CRYBG3: variants seen among roughly 807,000 people sequenced by gnomAD.
The protein encoded by CRYBG3 is very large A-kinase anchor protein.
In CRYBG3, 127 loss-of-function variants were observed where a neutral mutation model predicts 244.2. The ratio of observed to expected loss-of-function variants is 0.52; its 90% confidence interval spans 0.45 to 0.60. CRYBG3 has a LOEUF of 0.60. Ranked by LOEUF, CRYBG3 falls within the 20% of genes least tolerant of loss-of-function variation. The pLI is 0.00. For synonymous variants in CRYBG3, 1,132 were observed against 1,195.8 expected (o/e 0.95, Z 1.10); for missense variants, 3,325 against 3,442.5 (o/e 0.97, Z 0.85).
At position 97,872,588 on chromosome 3, in the gene CRYBG3, A is replaced by G. The variant is rs1412609432; in HGVS notation, c.1394A>G (p.Glu465Gly). The G allele has an allele frequency of 6.5e-7, 1 of 1,536,002 alleles. No homozygotes were observed. Among genetic ancestry groups the G allele is most frequent in the Non-Finnish European group, 8.7e-7 (1 of 1,146,826 alleles). ...AGTCCAAATAAATCAATTAGGCATG[A>G]ACATCTGCAGTTGCCAGAGAGTGAG... ...LPSPNKSIRH[E>G]HLQLPESECS... Residue 465 changes from glutamate to glycine, a missense_variant, in exon 4 of 22, where the codon GAA (glutamate) becomes GGA (glycine). Around this residue, in one of 4 missense-constraint regions of CRYBG3, gnomAD observed 1,526 missense variants for 1,443.2 expected, o/e 1.06. Transcript: ENST00000389622.
intron 4 of CRYBG3, among the ~76,000 whole-genome samples, chr3:97,879,275 C>A (rs920353585): frequency 2.6e-5 from 4 of 152,154 alleles, no homozygotes; most frequent in Non-Finnish European, 5.9e-5. Flanking sequence ...TATTCACTAT[C>A]CCATCACAAC....
chr3:97,919,578 A>T (rs1199002804), intron 17 of CRYBG3, among the ~76,000 whole-genome samples: 1 of 152,072 alleles, frequency 6.6e-6, no homozygotes, highest in Non-Finnish European at 1.5e-5. Flanking sequence ...CTTAACAGTG[A>T]TTACAAGAAG....
At chr3:97,867,707 A>C (rs937755619) in intron 3 of CRYBG3, among the ~76,000 whole-genome samples, 1 of 152,174 alleles carries the variant, frequency 6.6e-6, no homozygotes, top group Non-Finnish European at 1.5e-5. Context: ...CATAAGCTGT[A>C]GATCCTATGT....
At chr3:97,915,086 A>G (rs1326568958) in intron 16 of CRYBG3, among the ~76,000 whole-genome samples, 2 of 152,208 alleles carry the variant, frequency 1.3e-5, no homozygotes, top group South Asian at 2.1e-4. Context: ...TTTTAAAACA[A>G]TCTGTCTTCT....
At chr3:97,894,747 C>T (rs1044091945) in intron 11 of CRYBG3, among the ~76,000 whole-genome samples, 4 of 151,876 alleles carry the variant, frequency 2.6e-5, no homozygotes, top group Non-Finnish European at 5.9e-5. Flanking sequence ...AGTAGCCACA[C>T]TTATATAAAA....
intron 17 of CRYBG3, among the ~76,000 whole-genome samples, chr3:97,917,906 C>G (rs1259973013): frequency 6.6e-6 from 1 of 152,150 alleles, no homozygotes; most frequent in East Asian, 1.9e-4. Context: ...CTGGACAGTG[C>G]TAGATACACT....
At chr3:97,871,793 A>T in intron 3 of CRYBG3, 49 bp from the exon 4 acceptor site, 2 of 1,288,912 alleles carry the variant, frequency 1.6e-6, no homozygotes, top group Non-Finnish European at 2.1e-6. Context: ...GATTAGTATT[A>T]AGTATTATTA....
intron 1 of CRYBG3, among the ~76,000 whole-genome samples, chr3:97,841,334 A>G (rs1007669543): frequency 6.6e-6 from 1 of 150,708 alleles, no homozygotes; most frequent in African/African-American, 2.4e-5. Flanking sequence ...ATATATATGT[A>G]TATATGCATA....
chr3:97,930,769 T>C (rs2040088882), intron 17 of CRYBG3, among the ~76,000 whole-genome samples: 1 of 152,068 alleles, frequency 6.6e-6, no homozygotes, highest in African/African-American at 2.4e-5. Context: ...ACATAACATT[T>C]CTATCACTTC....
At chr3:97,838,895 G>A (rs958135526) in intron 1 of CRYBG3, among the ~76,000 whole-genome samples, 3 of 151,988 alleles carry the variant, frequency 2.0e-5, no homozygotes, top group Admixed American at 6.6e-5. Flanking sequence ...TCACACAAAG[G>A]CTAAATGGCT....
chr3:97,935,645 T>C (rs1183713860), intron 18 of CRYBG3, among the ~76,000 whole-genome samples: 2 of 152,072 alleles, frequency 1.3e-5, no homozygotes, highest in Non-Finnish European at 2.9e-5. Context: ...TAAGGAATAT[T>C]GCACTTTGTG....
chr3:97,870,607 A>G lies in CRYBG3; in HGVS notation c.648-1235A>G, dbSNP rs572594900. Among the ~76,000 whole-genome samples the G allele has an allele frequency of 2.6e-5, 4 of 152,300 alleles. No individual in the cohort carries two copies. In the South Asian group the frequency reaches 6.2e-4, roughly 24 times the overall value. On this transcript the variant is annotated intron_variant, in intron 3 of 21. Coordinates refer to ENST00000389622, the MANE Select transcript of CRYBG3 (RefSeq NM_153605.4). ...AGTGCTGTGATGAACATATGAGTGC[A>G]TGCTATTTTTTATAGTCAGGAAATT...
At position 97,872,567 on chromosome 3, in the gene CRYBG3, C is replaced by A. The variant is rs1189959546; in HGVS notation, c.1373C>A (p.Pro458Gln). 6.5e-7 allele frequency: 1 copy of A among 1,535,874 alleles called. No individual in the cohort carries two copies. The highest frequency in any genetic ancestry group is 8.7e-7 in the Non-Finnish European group (1 of 1,146,818). The change falls in exon 4 of 22, where the codon CCA becomes CAA. Residue 458 changes from proline to glutamine, a missense_variant. This residue lies in a region of CRYBG3 where 1,526 missense variants were observed against 1,443.2 expected (regional missense o/e 1.06). Coordinates refer to ENST00000389622, the MANE Select transcript of CRYBG3 (RefSeq NM_153605.4). ...TEQESTNLPS[P>Q]NKSIRHEHLQ... ...CAGGAAAGTACAAATTTGCCAAGTCCAAATAAATCAATTAGGCATGAACAT... is the reference window on the plus strand; with the variant it reads ...CAGGAAAGTACAAATTTGCCAAGTCAAAATAAATCAATTAGGCATGAACAT...
At position 97,864,530 on chromosome 3, in the gene CRYBG3, C is replaced by T. The variant is rs995198426; in HGVS notation, c.530C>T (p.Ser177Phe). 1 of 1,535,858 alleles carries T rather than the reference C, an allele frequency of 6.5e-7. No individual in the cohort carries two copies. The highest frequency in any genetic ancestry group is 1.7e-4 in the Middle Eastern group (1 of 5,990). Residue 177 changes from serine to phenylalanine, a missense_variant, in exon 3 of 22, where the codon TCC (serine) becomes TTC (phenylalanine). By Grantham distance (155) the Ser-to-Phe change is radical. Transcript: ENST00000389622. ...IKREREIFSG[S>F]LRTQTHPTEE... ...AGGGAGAGAGAGATTTTCAGTGGCT[C>T]CCTAAGAACCCAGACACATCCAACA...
intron 3 of CRYBG3, 92 bp from the exon 4 acceptor site, chr3:97,871,750 G>A (rs2039305167): frequency 4.5e-6 from 4 of 883,702 alleles, no homozygotes; most frequent in African/African-American, 1.7e-5. Flanking sequence ...GGGAAGTGGT[G>A]TTTAAAAGAT....
Position 97,943,563 on chromosome 3 carries a change from C to T in CRYBG3, c.*249C>T. Reference sequence around the variant, plus strand: ...TTGGAAAGGTTCTATTCCTGATCTCCAGCTGTGGTGAGCAAGTTTCCTGAA... The same window carrying T: ...TTGGAAAGGTTCTATTCCTGATCTCTAGCTGTGGTGAGCAAGTTTCCTGAA... On this transcript the variant is annotated 3_prime_UTR_variant, in exon 22 of 22. Coordinates refer to ENST00000389622, the MANE Select transcript of CRYBG3 (RefSeq NM_153605.4). 2.4e-6 allele frequency: 1 copy of T among 423,302 alleles called. No individual in the cohort carries two copies. The highest frequency in any genetic ancestry group is 4.2e-6 in the Non-Finnish European group (1 of 240,798). 26.2% of individuals were successfully genotyped at this position (423,302 alleles called of 1,614,324 possible).
intron 15 of CRYBG3, among the ~76,000 whole-genome samples, chr3:97,907,901 T>A (rs562889376): frequency 6.6e-5 from 10 of 151,760 alleles, no homozygotes; most frequent in African/African-American, 2.4e-4. Flanking sequence ...TAAATTTCCC[T>A]CTACACACTG....
At chr3:97,850,311 G>A (rs971237029) in intron 2 of CRYBG3, among the ~76,000 whole-genome samples, 17 of 152,072 alleles carry the variant, frequency 1.1e-4, no homozygotes, top group South Asian at 2.1e-4. Context: ...TGATACATAT[G>A]AGAGGTAACT....
At chr3:97,896,622 A>G (rs2039643513) in intron 12 of CRYBG3, among the ~76,000 whole-genome samples, 1 of 152,236 alleles carries the variant, frequency 6.6e-6, no homozygotes, top group African/African-American at 2.4e-5. Flanking sequence ...TAACATGTTA[A>G]TGTGTAAAGT....
Sources: allele counts gnomAD v4.1 joint callset (sites outside exome capture counted in the v4.1 genomes callset), GRCh38; gene constraint gnomAD v4.1.1; regional missense constraint gnomAD v4.1.1; transcripts MANE v1.5; gene names NCBI Gene and HGNC (gene_info 2026-07-23, HGNC 2026-07-21).